Variants in BRSK1 observed in about 807,000 individuals in gnomAD.
BRSK1 encodes the protein serine/threonine-protein kinase BRSK1.
A neutral mutation model predicts 86.2 loss-of-function variants in BRSK1; 17 were observed. That is an observed-to-expected ratio of 0.20 (90% confidence interval 0.14 to 0.30). The LOEUF (loss-of-function observed/expected upper bound fraction) is 0.30, where lower values mean the gene tolerates loss of function less well. BRSK1 is among the 10% of genes least tolerant of loss of function. The pLI is 1.00. For synonymous variants in BRSK1, 464 were observed against 440.1 expected (o/e 1.05, Z -0.68); for missense variants, 719 against 1,071.9 (o/e 0.67, Z 4.60).
rs182766916 is a variant in BRSK1, at chr19:55,300,534, C to G, written c.679-978C>G. Among the ~76,000 whole-genome samples, 4 of 152,246 alleles carry G rather than the reference C, an allele frequency of 2.6e-5. No homozygotes were observed. In the South Asian group the frequency reaches 8.3e-4, roughly 32 times the overall value. The stretch of plus-strand genomic sequence containing the variant: ...CCTGGCCAACGTGGTGAAACCCCAT[C>G]TCTGCTAAAAATACAAAAATTAGGC... On this transcript the variant is annotated intron_variant, in intron 7 of 18. Transcript: ENST00000309383.
chr19:55,308,004 T>TG (rs2088687618), intron 17 of BRSK1, among the ~76,000 whole-genome samples: 1 of 149,510 alleles, frequency 6.7e-6, no homozygotes, highest in Non-Finnish European at 1.5e-5. Flanking sequence ...TTTCTTTTTT[T>TG]TTGTTGTTGT....
rs915026234 is a variant in BRSK1 at position 55,287,767 on chromosome 19, C to T, written c.317+468C>T. Among the ~76,000 whole-genome samples, 1 of 152,204 alleles carries T rather than the reference C, an allele frequency of 6.6e-6. No homozygotes were observed. The highest frequency in any genetic ancestry group is 2.4e-5 in the African/African-American group (1 of 41,454). ...GTGGCTGGACACCCCAACAATGGGC[C>T]GCCTTAGGAGGTCTGAGTCACTATC... On this transcript the variant is annotated intron_variant, in intron 3 of 18. Transcript: ENST00000309383. This position sits in a 1 kb window ranked among gnomAD's most constrained non-coding sequence, Gnocchi z 5.3.
At chr19:55,300,795 C>T (rs2088559573) in intron 7 of BRSK1, among the ~76,000 whole-genome samples, 1 of 152,158 alleles carries the variant, frequency 6.6e-6, no homozygotes, top group African/African-American at 2.4e-5. Flanking sequence ...CAGCCAAGAA[C>T]ACCTCATTGC....
At position 55,289,567 on chromosome 19, in the gene BRSK1, G is replaced by T. The variant is rs759811002; in HGVS notation, c.405G>T (p.Lys135Asn). ...GACTGACGCCCAAGGAGGCCCGAAA[G>T]TTCTTCCGCCAGATTGTGTCTGCGC... ...KGRLTPKEAR[K>N]FFRQIVSALD... Residue 135 changes from lysine to asparagine, a missense_variant, in exon 4 of 19, where the codon AAG (lysine) becomes AAT (asparagine). Around this residue, in one of 6 missense-constraint regions of BRSK1, gnomAD observed 75 missense variants for 281.0 expected, o/e 0.27. Transcript: ENST00000309383. The T allele has an allele frequency of 1.9e-6, 3 of 1,614,150 alleles. No individual in the cohort carries two copies.
At position 55,305,383 on chromosome 19, in the gene BRSK1, G is replaced by T; in HGVS notation, c.1766+14G>T. 6.2e-7 allele frequency: 1 copy of T among 1,614,184 alleles called. No individual in the cohort carries two copies. Among genetic ancestry groups the T allele is most frequent in the Non-Finnish European group, 8.5e-7 (1 of 1,180,016 alleles). On this transcript the variant is annotated intron_variant, in intron 15 of 18. Coordinates refer to ENST00000309383, the MANE Select transcript of BRSK1 (RefSeq NM_032430.2). ...GTCCTCCCCGGAGTGAGTCTCACAG[G>T]GAAGGAAAGAGTGGGGATGCAGGGG... is the stretch of plus-strand genomic sequence containing the variant.
At position 55,312,269 on chromosome 19, in the gene BRSK1, CTATTT is replaced by C. The variant is rs543109592; in HGVS notation, c.*207_*211del. ...GGAACAGGGGGCGGGGGAGCTGTTT[CTATTT>C]TATTTATTGATTAATTTATTATTTT... On this transcript the variant is annotated 3_prime_UTR_variant, in exon 19 of 19. Coordinates refer to ENST00000309383, the MANE Select transcript of BRSK1 (RefSeq NM_032430.2). 9.8e-4 allele frequency: 298 copies of C among 303,064 alleles called. No individual in the cohort carries two copies. Among genetic ancestry groups the C allele is most frequent in the Middle Eastern group, 8.2e-3 (9 of 1,094 alleles). The allele number at this position is 303,064 out of a possible 1,614,324, so 18.8% of individuals were successfully genotyped here. A position where few individuals can be genotyped will look rare whatever the true frequency, so the allele number is the denominator to read the frequency against.
intron 18 of BRSK1, among the ~76,000 whole-genome samples, chr19:55,309,221 C>T (rs770895213): frequency 2.6e-5 from 4 of 152,038 alleles, no homozygotes; most frequent in Admixed American, 6.6e-5. Flanking sequence ...TCACAAGTCA[C>T]CTCACCCTGG....
chr19:55,312,101 TCCACCC>T lies in BRSK1; in HGVS notation c.*36_*41del. On this transcript the variant is annotated 3_prime_UTR_variant, in exon 19 of 19. Coordinates refer to ENST00000309383, the MANE Select transcript of BRSK1 (RefSeq NM_032430.2). ...GGGCCGGGGAGGGAGGGGACCCCCC[TCCACCC>T]CCCTTCCGTGCCCCCCAACTGTGAA... 1.0e-6 allele frequency: 1 copy of T among 986,582 alleles called. No homozygotes were observed. Among genetic ancestry groups the T allele is most frequent in the Non-Finnish European group, 1.4e-6 (1 of 703,712 alleles). The allele number at this position is 986,582 out of a possible 1,614,324, so 61.1% of individuals were successfully genotyped here.
chr19:55,287,303 G>A lies in BRSK1; in HGVS notation c.317+4G>A. On this transcript the variant is annotated splice_donor_region_variant and intron_variant, in intron 3 of 18. Coordinates refer to ENST00000309383, the MANE Select transcript of BRSK1 (RefSeq NM_032430.2). This position sits in a 1 kb window ranked among gnomAD's most constrained non-coding sequence, Gnocchi z 5.3. ...TCTACGAGAACAAGAAATATTTGTA[G>A]GTATTTATAGACACCCAGCCCTACC... 1.9e-6 allele frequency: 3 copies of A among 1,613,698 alleles called. No homozygotes were observed. The highest frequency in any genetic ancestry group is 1.1e-5 in the South Asian group (1 of 91,084).
chr19:55,309,433 C>T (rs1340308365), intron 18 of BRSK1, among the ~76,000 whole-genome samples: 1 of 152,216 alleles, frequency 6.6e-6, no homozygotes, highest in African/African-American at 2.4e-5. Flanking sequence ...AAATACCATA[C>T]ACTGGGCAAC....
Position 55,302,271 on chromosome 19 carries a change from G to C in BRSK1, c.857+103G>C. On this transcript the variant is annotated intron_variant, in intron 9 of 18. Coordinates refer to ENST00000309383, the MANE Select transcript of BRSK1 (RefSeq NM_032430.2). The surrounding 1 kb of genome is among the most constrained non-coding windows in gnomAD (Gnocchi z 6.3). The stretch of plus-strand genomic sequence containing the variant: ...GGGTGGGATGCCAGGGTTCCTGAGA[G>C]GCAACGGGCTAGGGACTCGGACTTA... The C allele has an allele frequency of 2.2e-6, 3 of 1,362,040 alleles. No homozygotes were observed. The highest frequency in any genetic ancestry group is 3.2e-6 in the Non-Finnish European group (3 of 951,742). The allele number at this position is 1,362,040 out of a possible 1,614,324, so 84.4% of individuals were successfully genotyped here. A position where few individuals can be genotyped will look rare whatever the true frequency, so the allele number is the denominator to read the frequency against.
intron 7 of BRSK1, among the ~76,000 whole-genome samples, chr19:55,300,317 C>T (rs931609963): frequency 1.3e-5 from 2 of 152,126 alleles, no homozygotes; most frequent in Non-Finnish European, 2.9e-5. Context: ...TGATGCAGTC[C>T]GTGAGGTGGG....
In BRSK1 at chr19:55,305,535, G is replaced by T; in HGVS notation, c.1839G>T (p.Lys613Asn). 6.2e-7 allele frequency: 1 copy of T among 1,614,220 alleles called. No individual in the cohort carries two copies. Among genetic ancestry groups the T allele is most frequent in the Non-Finnish European group, 8.5e-7 (1 of 1,180,034 alleles). Residue 613 changes from lysine (K) to asparagine (N), a missense_variant, in exon 16 of 19, where the codon AAG becomes AAT. This residue lies in a region of BRSK1 where 180 missense variants were observed against 259.4 expected (regional missense o/e 0.69). Transcript: ENST00000309383. ...DKEEQIFLVL[K>N]DKPLSSIKAD... Reference sequence around the variant, plus strand: ...AAGAACAAATATTCCTCGTGCTAAAGGACAAACCTCTCAGCAGCATCAAAG... The same window carrying T: ...AAGAACAAATATTCCTCGTGCTAAATGACAAACCTCTCAGCAGCATCAAAG...
chr19:55,293,880 A>G (rs2122952507), intron 4 of BRSK1, 137 bp from the exon 5 acceptor site: 4 of 624,430 alleles, frequency 6.4e-6, no homozygotes, highest in Non-Finnish European at 1.1e-5. Flanking sequence ...ACCAAAATTA[A>G]TGAATGATAA....
rs925257196 is a variant in BRSK1, at chr19:55,286,914, G to GA, written c.137-91dup. The GA allele has an allele frequency of 4.4e-6, 5 of 1,145,880 alleles. No individual in the cohort carries two copies. In the African/African-American group the frequency reaches 7.6e-5, roughly 17 times the overall value. 71.0% of individuals were successfully genotyped at this position (1,145,880 alleles called of 1,614,324 possible). A position where few individuals can be genotyped will look rare whatever the true frequency, so the allele number is the denominator to read the frequency against. On this transcript the variant is annotated intron_variant, in intron 1 of 18. Coordinates refer to ENST00000309383, the MANE Select transcript of BRSK1 (RefSeq NM_032430.2). Reference sequence around the variant, plus strand: ...CATTGTTAAACAGCCAGCCCAGGAGGAAGGAGCAAACAGGGTGGCCAAGGG... The same window carrying GA: ...CATTGTTAAACAGCCAGCCCAGGAGGAAAGGAGCAAACAGGGTGGCCAAGGG...
rs1254463143 is a variant in BRSK1 at position 55,286,389 on chromosome 19, C to G, written c.137-618C>G. ...TGTGGGCTAGGAGACCGGACATACC[C>G]TTGGTGTCTGTGTGCTGTCTGTTAG... On this transcript the variant is annotated intron_variant, in intron 1 of 18. Transcript: ENST00000309383. Among the ~76,000 whole-genome samples the G allele has an allele frequency of 6.6e-5, 10 of 151,548 alleles. No individual in the cohort carries two copies. The East Asian group carries it at 2.0e-3, about 30-fold the overall frequency.
Position 55,310,031 on chromosome 19 carries a change from G to A in BRSK1, c.2179+1303G>A, listed in dbSNP as rs1374259122. 2.0e-5 allele frequency among the ~76,000 whole-genome samples: 3 copies of A among 152,336 alleles called. No homozygotes were observed. Among genetic ancestry groups the A allele is most frequent in the Middle Eastern group, 6.8e-3 (2 of 294 alleles). On this transcript the variant is annotated intron_variant, in intron 18 of 18. Coordinates refer to ENST00000309383, the MANE Select transcript of BRSK1 (RefSeq NM_032430.2). This position sits in a 1 kb window ranked among gnomAD's most constrained non-coding sequence, Gnocchi z 5.0. The stretch of plus-strand genomic sequence containing the variant: ...CAGGAGCCAGGGCAGCTTTGGCCTT[G>A]TCACCAGAAACTCTGAGTCCCAGGG...
At chr19:55,286,058 G>T (rs8112274) in intron 1 of BRSK1, among the ~76,000 whole-genome samples, 48,138 of 57,886 alleles carry the variant, frequency 0.83, 20,156 homozygotes, top group East Asian at 0.95. Flanking sequence ...TGGAGTGCTG[G>T]GTCTGAGGGA....
In BRSK1 at chr19:55,304,133, A is replaced by G. The variant is rs750320584; in HGVS notation, c.1347+23A>G. The G allele has an allele frequency of 1.9e-6, 3 of 1,606,566 alleles. No homozygotes were observed. The highest frequency in any genetic ancestry group is 2.5e-6 in the Non-Finnish European group (3 of 1,176,904). Reference sequence around the variant, plus strand: ...AGGGTAAGGCCAGGTCCCCAGTGGGATTTAAGAAGGAGAAAGGGGTGGAGA... The same window carrying G: ...AGGGTAAGGCCAGGTCCCCAGTGGGGTTTAAGAAGGAGAAAGGGGTGGAGA... On this transcript the variant is annotated intron_variant, in intron 13 of 18. Transcript: ENST00000309383. This position sits in a 1 kb window ranked among gnomAD's most constrained non-coding sequence, Gnocchi z 5.2.
Sources: allele counts gnomAD v4.1 joint callset (sites outside exome capture counted in the v4.1 genomes callset), GRCh38; gene constraint gnomAD v4.1.1; regional missense constraint gnomAD v4.1.1; non-coding constraint Gnocchi (gnomAD v3.1); transcripts MANE v1.5; gene names NCBI Gene and HGNC (gene_info 2026-07-23, HGNC 2026-07-21).